Variants in SEPTIN10 observed in about 807,000 individuals in gnomAD.
SEPTIN10 encodes the protein septin-10.
In SEPTIN10, 66 loss-of-function variants were observed where a neutral mutation model predicts 54.8. The ratio of observed to expected loss-of-function variants is 1.21; its 90% CI spans 0.99 to 1.48. The LOEUF (loss-of-function observed/expected upper bound fraction) is 1.48, where lower values mean the gene tolerates loss of function less well. Among genes scored for constraint, SEPTIN10 ranks in the 40% most tolerant of loss-of-function variants. SEPTIN10 has a pLI of 0.00. For synonymous variants in SEPTIN10, 161 were observed against 181.0 expected, an observed-to-expected ratio of 0.89 and a Z score of 0.89; for missense variants, 620 against 545.6, an observed-to-expected ratio of 1.14 and a Z score of -1.36.
At chr2:109,602,594 G>C (rs1009393224) in intron 1 of SEPTIN10, among the ~76,000 whole-genome samples, 14 of 151,174 alleles carry the variant, frequency 9.3e-5, no homozygotes, top group African/African-American at 3.4e-4. Flanking sequence ...AGAATCGCTT[G>C]AACCTGGGAG....
rs146712731 is a variant in SEPTIN10 at position 109,589,180 on chromosome 2, T to C, written c.100-3342A>G. Reference sequence around the variant, plus strand: ...TTTTTTGAGATGGAGTCTCACTCTGTCACCCAGGCTGGAGTGCAGTCGTGC... The same window carrying C: ...TTTTTTGAGATGGAGTCTCACTCTGCCACCCAGGCTGGAGTGCAGTCGTGC... On this transcript the variant is annotated intron_variant, in intron 2 of 10. Transcript: ENST00000397712. Among the ~76,000 whole-genome samples the C allele has an allele frequency of 4.0e-3, 613 of 152,170 alleles. 6 individuals are homozygous for C. Among genetic ancestry groups the C allele is most frequent in the African/African-American group, 0.014 (571 of 41,520 alleles).
chr2:109,589,359 C>A (rs946561242), intron 2 of SEPTIN10, among the ~76,000 whole-genome samples: 1 of 151,848 alleles, frequency 6.6e-6, no homozygotes, highest in African/African-American at 2.4e-5. Flanking sequence ...ATGACAAAAC[C>A]CCATCTCTAC....
intron 8 of SEPTIN10, among the ~76,000 whole-genome samples, chr2:109,557,266 G>A (rs1229218617): frequency 6.6e-6 from 1 of 152,140 alleles, no homozygotes; most frequent in Non-Finnish European, 1.5e-5. Context: ...ACAAGCACTT[G>A]AGTTGTTCAC....
At chr2:109,547,052 A>G (rs1341513509) in intron 9 of SEPTIN10, among the ~76,000 whole-genome samples, 2 of 152,176 alleles carry the variant, frequency 1.3e-5, no homozygotes, top group Non-Finnish European at 2.9e-5. Context: ...AAAGGTATCC[A>G]GCCCCCTTCC....
In SEPTIN10 at chr2:109,565,294, A is replaced by T. The variant is rs61633348; in HGVS notation, c.859+469T>A. On this transcript the variant is annotated intron_variant, in intron 7 of 10. Coordinates refer to ENST00000397712, the MANE Select transcript of SEPTIN10 (RefSeq NM_144710.5). ...AATTAGCACTATAAGTAAATGAACC[A>T]TATAATACTATTTACTTACTCATTA... Among the ~76,000 whole-genome samples the T allele has an allele frequency of 9.9e-3, 1,507 of 152,348 alleles. 33 individuals carry two copies. Among genetic ancestry groups the T allele is most frequent in the African/African-American group, 0.035 (1,442 of 41,574 alleles).
chr2:109,613,854 G>A lies in SEPTIN10; in HGVS notation c.-27C>T, dbSNP rs549595326. Reference sequence around the variant, plus strand: ...GTCGCGGGCAGGGGCACGGTGAAGCGGCTGTATCAGCCCGGCCCCGAGCGG... The same window carrying A: ...GTCGCGGGCAGGGGCACGGTGAAGCAGCTGTATCAGCCCGGCCCCGAGCGG... On this transcript the variant is annotated 5_prime_UTR_variant, in exon 1 of 11. Transcript: ENST00000397712. 18 of 1,235,580 alleles carry A rather than the reference G, an allele frequency of 1.5e-5. No homozygotes were observed. The East Asian group carries it at 5.1e-4, about 35-fold the overall frequency. The allele number at this position is 1,235,580 out of a possible 1,614,324, so 76.5% of individuals were successfully genotyped here.
intron 1 of SEPTIN10, among the ~76,000 whole-genome samples, chr2:109,598,487 A>G (rs1288171863): frequency 1.3e-5 from 2 of 152,116 alleles, no homozygotes; most frequent in Admixed American, 6.5e-5. Flanking sequence ...CTTTTTTGGC[A>G]TTCTTTAGGA....
intron 1 of SEPTIN10, among the ~76,000 whole-genome samples, chr2:109,610,874 A>C (rs778511533): frequency 6.6e-6 from 1 of 152,212 alleles, no homozygotes; most frequent in Non-Finnish European, 1.5e-5. Context: ...GACGATTCTA[A>C]AACTTACACA....
chr2:109,604,180 G>C (rs1405405234), intron 1 of SEPTIN10, among the ~76,000 whole-genome samples: 1 of 116,536 alleles, frequency 8.6e-6, no homozygotes, highest in Non-Finnish European at 1.8e-5. Flanking sequence ...AAAAAAAAAA[G>C]AATTAAAAAA....
chr2:109,609,875 G>A (rs954091162), intron 1 of SEPTIN10, among the ~76,000 whole-genome samples: 3 of 152,156 alleles, frequency 2.0e-5, no homozygotes, highest in East Asian at 1.9e-4. Context: ...TTTCTCGGGA[G>A]ATGAAAAGGC....
At chr2:109,576,020 A>C (rs1689603253) in intron 4 of SEPTIN10, among the ~76,000 whole-genome samples, 1 of 151,986 alleles carries the variant, frequency 6.6e-6, no homozygotes, top group South Asian at 2.1e-4. Flanking sequence ...TGTTTGGGAG[A>C]CCAAGGCAGG....
intron 1 of SEPTIN10, among the ~76,000 whole-genome samples, chr2:109,602,838 G>C (rs1696938213): frequency 6.7e-6 from 1 of 149,954 alleles, no homozygotes; most frequent in Non-Finnish European, 1.5e-5. Context: ...AAAAGGGGAA[G>C]GAAGAGAAAT....
At chr2:109,563,977 C>CT (rs982131298) in intron 8 of SEPTIN10, among the ~76,000 whole-genome samples, 1 of 152,070 alleles carries the variant, frequency 6.6e-6, no homozygotes, top group Non-Finnish European at 1.5e-5. Context: ...ATAAATAAAA[C>CT]TAAGAAAATG....
At chr2:109,567,386 T>C (rs961395640) in intron 6 of SEPTIN10, among the ~76,000 whole-genome samples, 5 of 152,186 alleles carry the variant, frequency 3.3e-5, no homozygotes, top group African/African-American at 9.7e-5. Flanking sequence ...TGAATGTAAC[T>C]TGACACTATG....
chr2:109,598,648 G>A (rs1237967862), intron 1 of SEPTIN10, among the ~76,000 whole-genome samples: 4 of 151,944 alleles, frequency 2.6e-5, no homozygotes, highest in African/African-American at 9.7e-5. Context: ...GTCAACACCA[G>A]CCTGGCCAAC....
chr2:109,611,682 G>T (rs1699285266), intron 1 of SEPTIN10, among the ~76,000 whole-genome samples: 1 of 152,062 alleles, frequency 6.6e-6, no homozygotes, highest in Non-Finnish European at 1.5e-5. Flanking sequence ...GATCGCTTGA[G>T]CCCAGGAGAT....
At chr2:109,610,114 G>C (rs966579806) in intron 1 of SEPTIN10, among the ~76,000 whole-genome samples, 1 of 147,934 alleles carries the variant, frequency 6.8e-6, no homozygotes, top group Non-Finnish European at 1.5e-5. Flanking sequence ...TTTTTAGACA[G>C]AGTCTCACTC....
intron 7 of SEPTIN10, among the ~76,000 whole-genome samples, chr2:109,565,054 T>C (rs561609024): frequency 3.3e-5 from 5 of 152,342 alleles, no homozygotes; most frequent in South Asian, 2.1e-4. Flanking sequence ...CACACTTACA[T>C]GATCCTTCTT....
intron 1 of SEPTIN10, among the ~76,000 whole-genome samples, chr2:109,607,973 GA>G (rs1279904501): frequency 2.0e-5 from 3 of 152,236 alleles, no homozygotes; most frequent in African/African-American, 7.2e-5. Flanking sequence ...TGGAGATGGG[GA>G]AAAGTTCAAT....
Sources: allele counts gnomAD v4.1 joint callset (sites outside exome capture counted in the v4.1 genomes callset), GRCh38; gene constraint gnomAD v4.1.1; transcripts MANE v1.5; gene names NCBI Gene and HGNC (gene_info 2026-07-23, HGNC 2026-07-21).